PDE10A: variants seen among roughly 807,000 people sequenced by gnomAD.
The protein encoded by PDE10A is cAMP and cAMP-inhibited cGMP 3',5'-cyclic phosphodiesterase 10A.
A neutral mutation model predicts 97.7 loss-of-function variants in PDE10A; 39 were observed. The ratio of observed to expected loss-of-function variants is 0.40; its 90% CI spans 0.31 to 0.52. PDE10A has a LOEUF of 0.52. Among genes scored for constraint, PDE10A ranks in the 20% least tolerant of loss-of-function variants. The pLI, the probability that PDE10A is intolerant of heterozygous loss-of-function variation, is 0.56. For synonymous variants in PDE10A, 371 were observed against 376.8 expected (o/e 0.98, Z 0.18); for missense variants, 731 against 1,047.8 (o/e 0.70, Z 4.17).
At chr6:165,936,883 T>C (rs149360717) in intron 1 of PDE10A, among the ~76,000 whole-genome samples, 7 of 152,278 alleles carry the variant, frequency 4.6e-5, no homozygotes, top group Admixed American at 1.3e-4. Context: ...CCTTTCATGG[T>C]TGAACTGAGA....
Position 165,435,427 on chromosome 6 carries a change from T to C in PDE10A, c.1195-50A>G, listed in dbSNP as rs562010282. ...CAGACTTTCCTGTACATGTGCATAG[T>C]ACAAAAAGACACACGTGAATCCTAA... On this transcript the variant is annotated intron_variant, in intron 5 of 21. Transcript: ENST00000539869. 36 of 1,511,550 alleles carry C rather than the reference T, an allele frequency of 2.4e-5. 1 individual carries two copies. In the Admixed American group the frequency reaches 4.6e-4, roughly 19 times the overall value. 93.6% of individuals were successfully genotyped at this position (1,511,550 alleles called of 1,614,324 possible).
At chr6:165,955,391 T>A (rs1190862659) in intron 1 of PDE10A, among the ~76,000 whole-genome samples, 1 of 152,216 alleles carries the variant, frequency 6.6e-6, no homozygotes, top group East Asian at 1.9e-4. Flanking sequence ...CTCCAACAAT[T>A]TCCAGATGAG....
At chr6:165,455,134 A>G (rs1777876449) in intron 3 of PDE10A, among the ~76,000 whole-genome samples, 1 of 152,124 alleles carries the variant, frequency 6.6e-6, no homozygotes, top group South Asian at 2.1e-4. Flanking sequence ...CCACCCTGAC[A>G]TTAATTCTTT....
chr6:165,873,056 C>T (rs1162424025), intron 1 of PDE10A, among the ~76,000 whole-genome samples: 2 of 152,178 alleles, frequency 1.3e-5, no homozygotes, highest in East Asian at 3.9e-4. Flanking sequence ...AGACTTCCAA[C>T]CCCTCTTTGG....
At chr6:165,898,862 G>C (rs112372803) in intron 1 of PDE10A, among the ~76,000 whole-genome samples, 3 of 152,252 alleles carry the variant, frequency 2.0e-5, no homozygotes, top group Admixed American at 2.0e-4. Flanking sequence ...CTGTCCCTAC[G>C]GCAGCCTCAG....
At chr6:165,403,544 G>A (rs1441613246) in intron 13 of PDE10A, among the ~76,000 whole-genome samples, 1 of 152,066 alleles carries the variant, frequency 6.6e-6, no homozygotes, top group African/African-American at 2.4e-5. Flanking sequence ...TATAATAATT[G>A]TTCTACTATT....
chr6:165,563,286 G>C (rs1784616300), intron 1 of PDE10A, among the ~76,000 whole-genome samples: 2 of 150,812 alleles, frequency 1.3e-5, no homozygotes, highest in African/African-American at 4.9e-5. Flanking sequence ...AAGGAAGGAA[G>C]GATTTAGTAA....
intron 1 of PDE10A, among the ~76,000 whole-genome samples, chr6:165,798,682 T>C (rs1778893313): frequency 6.6e-6 from 1 of 151,594 alleles, no homozygotes; most frequent in South Asian, 2.1e-4. Flanking sequence ...TTAATGATAT[T>C]AATCATCGAG....
intron 1 of PDE10A, among the ~76,000 whole-genome samples, chr6:165,630,324 G>A (rs760984441): frequency 6.6e-6 from 1 of 152,052 alleles, no homozygotes; most frequent in Non-Finnish European, 1.5e-5. Flanking sequence ...CTCCAGCCTG[G>A]GTGACAGAGT....
chr6:165,460,957 A>G (rs1778291076), intron 3 of PDE10A, among the ~76,000 whole-genome samples: 2 of 152,216 alleles, frequency 1.3e-5, no homozygotes, highest in African/African-American at 4.8e-5. Context: ...GGCCGTTGTT[A>G]AGCCTCCAGA....
intron 1 of PDE10A, among the ~76,000 whole-genome samples, chr6:165,554,036 G>A (rs73786636): frequency 0.011 from 1,697 of 152,180 alleles, 26 homozygotes; most frequent in African/African-American, 0.029. Context: ...ACAGTAACTC[G>A]GTGGGGGACT....
At chr6:165,525,200 T>C (rs1012792151) in intron 2 of PDE10A, among the ~76,000 whole-genome samples, 12 of 152,140 alleles carry the variant, frequency 7.9e-5, no homozygotes, top group African/African-American at 2.7e-4. Flanking sequence ...GTTTGAGTTA[T>C]CTAATTTATA....
At chr6:165,608,851 T>C (rs1487537323) in intron 1 of PDE10A, among the ~76,000 whole-genome samples, 1 of 152,230 alleles carries the variant, frequency 6.6e-6, no homozygotes, top group East Asian at 1.9e-4. Flanking sequence ...TTTGCATTTC[T>C]CTGATAGCCA....
At chr6:165,714,601 C>A (rs1311623983) in intron 1 of PDE10A, among the ~76,000 whole-genome samples, 1 of 152,226 alleles carries the variant, frequency 6.6e-6, no homozygotes, top group Non-Finnish European at 1.5e-5. Context: ...GGCACAGCAA[C>A]CCCATTCGCA....
chr6:165,628,880 T>G (rs2128413381), intron 1 of PDE10A, among the ~76,000 whole-genome samples: 1 of 152,330 alleles, frequency 6.6e-6, no homozygotes, highest in South Asian at 2.1e-4. Flanking sequence ...TGCCTGAATA[T>G]TTGAAATGCT....
chr6:165,937,929 C>A lies in PDE10A; in HGVS notation c.-615+49600G>T, dbSNP rs118116398. ...ATTCAGGGCTCTGCAAACCAGTCCC[C>A]CCTGTATGAAGCCTGACAATAAATG... On this transcript the variant is annotated intron_variant, in intron 1 of 19. Coordinates refer to the PDE10A transcript ENST00000366882. Among the ~76,000 whole-genome samples, 751 of 152,216 alleles carry A rather than the reference C, an allele frequency of 4.9e-3. 3 individuals are homozygous for A. Among genetic ancestry groups the A allele is most frequent in the Non-Finnish European group, 8.0e-3 (543 of 68,020 alleles).
intron 3 of PDE10A, among the ~76,000 whole-genome samples, chr6:165,460,224 G>A (rs899674258): frequency 3.3e-5 from 5 of 152,192 alleles, no homozygotes; most frequent in African/African-American, 1.2e-4. Flanking sequence ...TTGCCAGCGG[G>A]TACAATAGGA....
intron 1 of PDE10A, among the ~76,000 whole-genome samples, chr6:165,605,839 C>T (rs1787181439): frequency 6.6e-6 from 1 of 152,118 alleles, no homozygotes; most frequent in Non-Finnish European, 1.5e-5. Flanking sequence ...GACACTTGTC[C>T]AAGACCACAT....
chr6:165,983,729 C>A (rs1785090573), intron 1 of PDE10A, among the ~76,000 whole-genome samples: 2 of 152,208 alleles, frequency 1.3e-5, no homozygotes, highest in African/African-American at 4.8e-5. Flanking sequence ...ATATACTTTT[C>A]TCTGTTTTAC....
Sources: gnomAD v4.1 joint callset for allele counts (sites outside exome capture counted in the v4.1 genomes callset) on GRCh38, gnomAD v4.1.1 for gene constraint, MANE v1.5 for transcripts, NCBI Gene and HGNC (gene_info 2026-07-23, HGNC 2026-07-21) for gene names.